TDRD9: variants seen among roughly 807,000 people sequenced by gnomAD.
TDRD9 encodes ATP-dependent RNA helicase TDRD9.
Under a neutral mutation model 172.6 loss-of-function variants are expected in TDRD9, and 124 were observed. The ratio of observed to expected loss-of-function variants is 0.72; its 90% CI spans 0.62 to 0.83. The LOEUF is 0.83. TDRD9 is among the 40% of genes least tolerant of loss of function. The pLI is 0.00. For synonymous variants in TDRD9, 619 were observed against 617.1 expected (o/e 1.00, Z -0.05); for missense variants, 1,479 against 1,714.1 (o/e 0.86, Z 2.42).
At chr14:104,032,189 T>C in intron 30 of TDRD9, 102 bp downstream of exon 30, 1 of 699,640 alleles carries the variant, frequency 1.4e-6, no homozygotes, top group Non-Finnish European at 2.3e-6. Flanking sequence ...TGTTGGAATG[T>C]GTTATCTTTT....
At chr14:103,943,563 C>CCCACAGT (rs1242318909) in intron 1 of TDRD9, among the ~76,000 whole-genome samples, 97 of 146,888 alleles carry the variant, frequency 6.6e-4, no homozygotes, top group African/African-American at 2.3e-3. Flanking sequence ...GTTGCCCAGG[C>CCCACAGT]TGGTCCGTAA....
chr14:103,934,655 G>A (rs1276989309), intron 1 of TDRD9, among the ~76,000 whole-genome samples: 2 of 152,304 alleles, frequency 1.3e-5, no homozygotes, highest in East Asian at 3.9e-4. Flanking sequence ...GTGGGCGGGC[G>A]CCTGTAGTCC....
chr14:103,972,581 G>T (rs2033079888), intron 6 of TDRD9, among the ~76,000 whole-genome samples: 1 of 152,230 alleles, frequency 6.6e-6, no homozygotes, highest in Admixed American at 6.5e-5. Flanking sequence ...CCTTAACCCA[G>T]CTGTGCTAAG....
chr14:103,988,875 T>C (rs1054124930), intron 8 of TDRD9, among the ~76,000 whole-genome samples: 3 of 152,096 alleles, frequency 2.0e-5, no homozygotes, highest in African/African-American at 7.2e-5. Context: ...TGTATCCGGT[T>C]ACTTTTAAAA....
chr14:104,034,881 G>A (rs2035402017), intron 31 of TDRD9, 79 bp from the exon 32 acceptor site: 2 of 1,091,610 alleles, frequency 1.8e-6, no homozygotes, highest in South Asian at 1.4e-5. Context: ...CTGCAGATGA[G>A]TAGGAGCGGG....
intron 1 of TDRD9, chr14:103,940,981 T>C: frequency 6.5e-7 from 1 of 1,535,438 alleles, no homozygotes; most frequent in Non-Finnish European, 8.7e-7. Flanking sequence ...GCTCCCTGAG[T>C]CCTCCAGGTC....
In TDRD9 at chr14:103,928,459, C is replaced by G. The variant is rs1485601884; in HGVS notation, c.-51C>G. 5.0e-6 allele frequency: 7 copies of G among 1,409,838 alleles called. No homozygotes were observed. Among genetic ancestry groups the G allele is most frequent in the Non-Finnish European group, 6.5e-6 (7 of 1,071,676 alleles). The allele number at this position is 1,409,838 out of a possible 1,614,324, so 87.3% of individuals were successfully genotyped here. A position where few individuals can be genotyped will look rare whatever the true frequency, so the allele number is the denominator to read the frequency against. On this transcript the variant is annotated 5_prime_UTR_variant, in exon 1 of 36. Coordinates refer to ENST00000409874, the MANE Select transcript of TDRD9 (RefSeq NM_153046.3). ...GGGTGCGCTTCCGCCGTCGCCTGTT[C>G]CCGCCGCGGAGACCCGGCAGTTGGG...
chr14:103,959,094 G>A (rs866317298), intron 2 of TDRD9, among the ~76,000 whole-genome samples: 2 of 152,166 alleles, frequency 1.3e-5, no homozygotes, highest in African/African-American at 2.4e-5. Flanking sequence ...GGGCCAGAGT[G>A]GACCTGAGGA....
intron 5 of TDRD9, 64 bp downstream of exon 5, chr14:103,966,895 T>C (rs1365044358): frequency 7.1e-7 from 1 of 1,412,890 alleles, no homozygotes; most frequent in Non-Finnish European, 9.4e-7. Context: ...CTCAGAGTAT[T>C]GTGAACCCTG....
At chr14:104,025,102 C>G (rs1007636452) in intron 25 of TDRD9, among the ~76,000 whole-genome samples, 2 of 152,188 alleles carry the variant, frequency 1.3e-5, no homozygotes, top group African/African-American at 4.8e-5. Flanking sequence ...CTGCCTCAGC[C>G]TCCTGAGTAG....
chr14:104,033,948 C>A lies in TDRD9; in HGVS notation c.3510-12C>A. On this transcript the variant is annotated splice_polypyrimidine_tract_variant and intron_variant, in intron 30 of 35. Coordinates refer to ENST00000409874, the MANE Select transcript of TDRD9 (RefSeq NM_153046.3). Reference sequence around the variant, plus strand: ...ATCAGTCACCCCATCTCCTGGTGCTCCTGCCTTTTAGGTGTGTTTGGATTG... The same window carrying A: ...ATCAGTCACCCCATCTCCTGGTGCTACTGCCTTTTAGGTGTGTTTGGATTG... 6.6e-7 allele frequency: 1 copy of A among 1,525,234 alleles called. No individual in the cohort carries two copies. The highest frequency in any genetic ancestry group is 2.5e-5 in the East Asian group (1 of 40,572). The allele number at this position is 1,525,234 out of a possible 1,614,324, so 94.5% of individuals were successfully genotyped here.
At chr14:103,942,474 A>C (rs1360458276) in intron 1 of TDRD9, among the ~76,000 whole-genome samples, 1 of 152,216 alleles carries the variant, frequency 6.6e-6, no homozygotes, top group African/African-American at 2.4e-5. Context: ...TTGGTAGTGA[A>C]ACGAAGAATG....
chr14:103,966,926 T>C, intron 5 of TDRD9, 95 bp downstream of exon 5: 1 of 1,173,406 alleles, frequency 8.5e-7, no homozygotes, highest in East Asian at 2.9e-5. Flanking sequence ...TGTCTCAGCT[T>C]TCTTTATTTT....
intron 1 of TDRD9, chr14:103,942,373 A>G (rs1474722058): frequency 6.6e-6 from 1 of 152,288 alleles, no homozygotes; most frequent in African/African-American, 2.4e-5. Flanking sequence ...CACAAGTTAT[A>G]TAATGGTCTG....
intron 13 of TDRD9, among the ~76,000 whole-genome samples, chr14:103,999,527 G>T (rs919909841): frequency 6.6e-6 from 1 of 152,118 alleles, no homozygotes; most frequent in African/African-American, 2.4e-5. Flanking sequence ...TACAGTGGAG[G>T]TATATTCATG....
In TDRD9 at chr14:103,980,945, A is replaced by G. The variant is rs1233226717; in HGVS notation, c.1012-5272A>G. Among the ~76,000 whole-genome samples, 5 of 152,164 alleles carry G rather than the reference A, an allele frequency of 3.3e-5. No homozygotes were observed. Among genetic ancestry groups the G allele is most frequent in the African/African-American group, 9.7e-5 (4 of 41,426 alleles). ...GGTTTTTCCTAGGTTATGATTGTAG[A>G]GCGAGAATTATTATAATATTGGAAT... On this transcript the variant is annotated intron_variant, in intron 7 of 35. Coordinates refer to ENST00000409874, the MANE Select transcript of TDRD9 (RefSeq NM_153046.3). This position sits in a 1 kb window ranked among gnomAD's most constrained non-coding sequence, Gnocchi z 4.5.
At chr14:103,983,808 TAGA>T (rs2033571307) in intron 7 of TDRD9, among the ~76,000 whole-genome samples, 1 of 152,192 alleles carries the variant, frequency 6.6e-6, no homozygotes, top group Non-Finnish European at 1.5e-5. Context: ...TTGGAGGGCC[TAGA>T]AGGAGACAGG....
chr14:103,982,444 C>T (rs780898430), intron 7 of TDRD9, among the ~76,000 whole-genome samples: 17 of 152,162 alleles, frequency 1.1e-4, no homozygotes, highest in South Asian at 2.1e-4. Context: ...CCTAGACTTA[C>T]CTGGCCTTTC....
At chr14:103,953,040 A>G (rs2032022936) in intron 1 of TDRD9, among the ~76,000 whole-genome samples, 2 of 152,134 alleles carry the variant, frequency 1.3e-5, no homozygotes, top group African/African-American at 2.4e-5. Flanking sequence ...GTGCCCAGCC[A>G]GGAATTAAAG....
Sources: allele counts gnomAD v4.1 joint callset (sites outside exome capture counted in the v4.1 genomes callset), GRCh38; gene constraint gnomAD v4.1.1; non-coding constraint Gnocchi (gnomAD v3.1); transcripts MANE v1.5; gene names NCBI Gene and HGNC (gene_info 2026-07-23, HGNC 2026-07-21).